ZNF385B: variants seen among roughly 807,000 people sequenced by gnomAD.
ZNF385B encodes zinc finger protein 533.
A neutral mutation model predicts 39.2 loss-of-function variants in ZNF385B; 23 were observed. The observed-to-expected ratio is 0.59, with a 90% CI of 0.42 to 0.83. The LOEUF (loss-of-function observed/expected upper bound fraction) is 0.83. ZNF385B is among the 40% of genes least tolerant of loss of function. The pLI, the probability that ZNF385B is intolerant of heterozygous loss-of-function variation, is 0.00. For missense variants in ZNF385B, 552 were observed against 598.9 expected (o/e 0.92, Z 0.82); for synonymous variants, 205 against 222.6 (o/e 0.92, Z 0.70).
chr2:179,699,119 T>TAC (rs1559104028), intron 3 of ZNF385B, among the ~76,000 whole-genome samples: 2 of 151,190 alleles, frequency 1.3e-5, no homozygotes, highest in African/African-American at 4.9e-5. Flanking sequence ...TGTGTTAAAA[T>TAC]ATATATATAT....
intron 1 of ZNF385B, among the ~76,000 whole-genome samples, chr2:179,819,011 A>C (rs1707240573): frequency 6.9e-6 from 1 of 145,126 alleles, no homozygotes; most frequent in Non-Finnish European, 1.5e-5. Flanking sequence ...ATATATATGT[A>C]TAAATATGTG....
chr2:179,650,746 G>A (rs189031978), intron 3 of ZNF385B, among the ~76,000 whole-genome samples: 1 of 152,256 alleles, frequency 6.6e-6, no homozygotes, highest in African/African-American at 2.4e-5. Context: ...GTAGGGCAGT[G>A]AGAAACCAAG....
intron 6 of ZNF385B, among the ~76,000 whole-genome samples, chr2:179,474,654 T>C (rs1037432157): frequency 4.0e-5 from 6 of 148,494 alleles, no homozygotes; most frequent in Non-Finnish European, 5.9e-5. Context: ...ATTAAAATTA[T>C]TTTTTGCATA....
intron 6 of ZNF385B, among the ~76,000 whole-genome samples, chr2:179,472,616 G>A (rs1574314804): frequency 6.6e-6 from 1 of 152,144 alleles, no homozygotes; most frequent in Non-Finnish European, 1.5e-5. Flanking sequence ...AGCCGACAAG[G>A]ATTACCAAAA....
chr2:179,807,929 A>AGAAAGAAAGAAGGAAGGAAG (rs749760813), intron 1 of ZNF385B, among the ~76,000 whole-genome samples: 2 of 116,414 alleles, frequency 1.7e-5, no homozygotes, highest in African/African-American at 5.8e-5. Context: ...AAAGAAAGAA[A>AGAAAGAAAGAAGGAAGGAAG]GAAGGAAGGA....
At chr2:179,673,036 C>T (rs940274743) in intron 3 of ZNF385B, among the ~76,000 whole-genome samples, 5 of 152,202 alleles carry the variant, frequency 3.3e-5, no homozygotes, top group Non-Finnish European at 2.9e-5. Flanking sequence ...CAAAGCGAGA[C>T]GGCAAGAAAA....
At chr2:179,479,605 C>G (rs1018153969) in intron 6 of ZNF385B, among the ~76,000 whole-genome samples, 1 of 152,012 alleles carries the variant, frequency 6.6e-6, no homozygotes, top group Non-Finnish European at 1.5e-5. Flanking sequence ...TTTAGGAGGC[C>G]GTGGCAGGCG....
chr2:179,665,917 G>C (rs893709003), intron 3 of ZNF385B, among the ~76,000 whole-genome samples: 2 of 151,940 alleles, frequency 1.3e-5, no homozygotes, highest in African/African-American at 4.8e-5. Flanking sequence ...CTCAGGCAGA[G>C]TTTGCCTAGG....
At chr2:179,838,389 C>T (rs922376858) in intron 1 of ZNF385B, among the ~76,000 whole-genome samples, 2 of 152,208 alleles carry the variant, frequency 1.3e-5, no homozygotes, top group African/African-American at 2.4e-5. Context: ...GCAAATGCTG[C>T]TTATACAATA....
intron 3 of ZNF385B, among the ~76,000 whole-genome samples, chr2:179,745,292 CCTAT>C (rs1702312755): frequency 1.3e-5 from 2 of 152,216 alleles, no homozygotes; most frequent in South Asian, 2.1e-4. Flanking sequence ...CTTGTCTCCT[CCTAT>C]CTGTCTTTCA....
chr2:179,567,836 C>T (rs1684773064), intron 3 of ZNF385B, among the ~76,000 whole-genome samples: 2 of 152,218 alleles, frequency 1.3e-5, no homozygotes, highest in Non-Finnish European at 2.9e-5. Context: ...CTGCTTCCAT[C>T]CATGTCACTG....
chr2:179,454,648 G>A (rs10190536), intron 6 of ZNF385B, among the ~76,000 whole-genome samples: 71,279 of 152,004 alleles, frequency 0.47, 17,364 homozygotes, highest in African/African-American at 0.6. Flanking sequence ...AGATGTGGAA[G>A]TGGAGGACAG....
intron 3 of ZNF385B, among the ~76,000 whole-genome samples, chr2:179,744,519 G>A (rs1341310796): frequency 1.3e-5 from 2 of 152,060 alleles, no homozygotes; most frequent in African/African-American, 4.8e-5. Context: ...GGGACTTGCC[G>A]AGACAGATTG....
chr2:179,607,996 T>C (rs1384177111), intron 3 of ZNF385B, among the ~76,000 whole-genome samples: 1 of 148,202 alleles, frequency 6.7e-6, no homozygotes, highest in African/African-American at 2.5e-5. Context: ...CTCACTGTAA[T>C]CTCTGCCTCC....
intron 3 of ZNF385B, among the ~76,000 whole-genome samples, chr2:179,639,627 T>C (rs1692084256): frequency 6.6e-6 from 1 of 151,888 alleles, no homozygotes; most frequent in South Asian, 2.1e-4. Context: ...ATTCTAAAAA[T>C]TTAAGGGTAG....
At chr2:179,663,096 T>C (rs374019503) in intron 3 of ZNF385B, among the ~76,000 whole-genome samples, 7 of 152,334 alleles carry the variant, frequency 4.6e-5, no homozygotes, top group African/African-American at 1.7e-4. Context: ...TCACCTTGCA[T>C]GAACTTCTGT....
At position 179,579,568 on chromosome 2, in the gene ZNF385B, A is replaced by G. The variant is rs1298419089; in HGVS notation, c.299-34599T>C. 2.0e-5 allele frequency among the ~76,000 whole-genome samples: 3 copies of G among 152,092 alleles called. No individual in the cohort carries two copies. The East Asian group carries it at 5.8e-4, about 29-fold the overall frequency. ...TAAATATATAAATAAATGTGCACAA[A>G]TGTTGATCATTAAGATGCTCATATC... On this transcript the variant is annotated intron_variant, in intron 3 of 9. Transcript: ENST00000410066.
chr2:179,451,356 G>A (rs992995759), intron 6 of ZNF385B, among the ~76,000 whole-genome samples: 1 of 151,974 alleles, frequency 6.6e-6, no homozygotes, highest in Non-Finnish European at 1.5e-5. Flanking sequence ...AAATCTTGGG[G>A]TTTTCTTGGT....
At position 179,466,804 on chromosome 2, in the gene ZNF385B, C is replaced by T. The variant is rs957293376; in HGVS notation, c.715+16468G>A. 1.8e-4 allele frequency among the ~76,000 whole-genome samples: 27 copies of T among 150,292 alleles called. 1 individual carries two copies. The highest frequency in any genetic ancestry group is 5.6e-4 in the African/African-American group (23 of 40,946). ...GGTATGGTGGCACACATCTGTAATC[C>T]CAGCTACTTGGGAGGCTGAGGCAGA... On this transcript the variant is annotated intron_variant, in intron 6 of 9. Coordinates refer to ENST00000410066, the MANE Select transcript of ZNF385B (RefSeq NM_152520.6).
Sources: gnomAD v4.1 joint callset for allele counts (sites outside exome capture counted in the v4.1 genomes callset) on GRCh38, gnomAD v4.1.1 for gene constraint, MANE v1.5 for transcripts, NCBI Gene and HGNC (gene_info 2026-07-23, HGNC 2026-07-21) for gene names.